Variants in GRM5 observed in about 807,000 individuals in gnomAD.
GRM5 encodes the protein glutamate metabotropic receptor 5, also known as metabotropic glutamate receptor 5.
In GRM5, 19 loss-of-function variants were observed where a neutral mutation model predicts 83.1. The observed-to-expected ratio is 0.23, with a 90% CI of 0.16 to 0.34. GRM5 has a LOEUF of 0.34. GRM5 is among the 10% of genes least tolerant of loss of function. GRM5 has a pLI of 1.00. For synonymous variants in GRM5, 675 were observed against 633.6 expected (o/e 1.07, Z -0.98); for missense variants, 1,160 against 1,588.3 (o/e 0.73, Z 4.58).
intron 2 of GRM5, among the ~76,000 whole-genome samples, chr11:89,014,846 A>C (rs2135097453): frequency 6.6e-6 from 1 of 152,308 alleles, no homozygotes; most frequent in Admixed American, 6.5e-5. Flanking sequence ...ATTTTTTAAA[A>C]ATTTTAAAAG....
At chr11:88,685,959 C>G (rs554572664) in intron 3 of GRM5, among the ~76,000 whole-genome samples, 1 of 152,330 alleles carries the variant, frequency 6.6e-6, no homozygotes, top group African/African-American at 2.4e-5. Context: ...TTGGAGCCCC[C>G]ACACAGAATC....
At chr11:88,674,470 A>G (rs1940272596) in intron 3 of GRM5, among the ~76,000 whole-genome samples, 2 of 151,910 alleles carry the variant, frequency 1.3e-5, no homozygotes, top group African/African-American at 4.8e-5. Flanking sequence ...TTCAACACCT[A>G]CTAGACAGCT....
chr11:88,619,378 G>T (rs1454083790), intron 4 of GRM5, among the ~76,000 whole-genome samples: 1 of 152,156 alleles, frequency 6.6e-6, no homozygotes, highest in East Asian at 1.9e-4. Flanking sequence ...TTAATATCAA[G>T]CTTTGTGGAT....
At chr11:89,056,287 A>G (rs1941872083) in intron 1 of GRM5, among the ~76,000 whole-genome samples, 1 of 152,148 alleles carries the variant, frequency 6.6e-6, no homozygotes, top group African/African-American at 2.4e-5. Flanking sequence ...CAATTCTGAG[A>G]ACTATCCAAT....
intron 4 of GRM5, among the ~76,000 whole-genome samples, chr11:88,611,974 T>A (rs929160404): frequency 2.0e-5 from 3 of 151,826 alleles, no homozygotes; most frequent in East Asian, 1.9e-4. Context: ...TTTATTATTT[T>A]TTTTTATTAT....
intron 2 of GRM5, among the ~76,000 whole-genome samples, chr11:88,858,453 T>C (rs956730022): frequency 6.6e-6 from 1 of 152,018 alleles, no homozygotes; most frequent in Non-Finnish European, 1.5e-5. Context: ...GCTGAGTTGG[T>C]GAATTTTCTT....
At chr11:88,964,632 CAAG>C (rs1938890241) in intron 2 of GRM5, among the ~76,000 whole-genome samples, 1 of 151,876 alleles carries the variant, frequency 6.6e-6, no homozygotes, top group South Asian at 2.1e-4. Flanking sequence ...AGCATGTATC[CAAG>C]AAGTTGAGAA....
chr11:88,637,515 A>G (rs1349577414), intron 4 of GRM5, among the ~76,000 whole-genome samples: 1 of 152,042 alleles, frequency 6.6e-6, no homozygotes, highest in African/African-American at 2.4e-5. Flanking sequence ...GACACTTCTC[A>G]AAAGAAGACA....
At position 89,027,164 on chromosome 11, in the gene GRM5, C is replaced by T. The variant is rs192356802; in HGVS notation, c.661+20048G>A. 3.5e-3 allele frequency among the ~76,000 whole-genome samples: 528 copies of T among 151,792 alleles called. 5 individuals are homozygous for T. Among genetic ancestry groups the T allele is most frequent in the African/African-American group, 0.012 (489 of 41,380 alleles). On this transcript the variant is annotated intron_variant, in intron 2 of 9. Transcript: ENST00000305447. ...AGGCTGGAGTGCAGTGGCGCAATCT[C>T]GGCTCACTGCAACCTCCGCCTCCTG...
Position 88,525,361 on chromosome 11 carries a change from A to G in GRM5, c.2674T>C (p.Cys892Arg). 2 of 1,612,466 alleles carry G rather than the reference A, an allele frequency of 1.2e-6. No homozygotes were observed. The highest frequency in any genetic ancestry group is 1.1e-5 in the South Asian group (1 of 91,026). The change falls in exon 9 of 10, where the codon TGT becomes CGT. Residue 892 changes from cysteine (C) to arginine (R), a missense_variant. By Grantham distance (180) the Cys-to-Arg change is radical (BLOSUM62 -3). Coordinates refer to ENST00000305447, the MANE Select transcript of GRM5 (RefSeq NM_001143831.3). Reference sequence around the variant, plus strand: ...CCCATACTCCCTTTGGGGGTGAAACACTCTATTTCCGACTTGTGCTGGGCC... The same window carrying G: ...CCCATACTCCCTTTGGGGGTGAAACGCTCTATTTCCGACTTGTGCTGGGCC... ...RLAQHKSEIE[C>R]FTPKGSMGNG...
chr11:88,725,772 C>T (rs955521635), intron 3 of GRM5, among the ~76,000 whole-genome samples: 7 of 152,116 alleles, frequency 4.6e-5, no homozygotes, highest in Non-Finnish European at 1.0e-4. Flanking sequence ...CCAGCAAACT[C>T]CAGCAGACCT....
intron 2 of GRM5, among the ~76,000 whole-genome samples, chr11:88,921,024 T>C (rs621230): frequency 0.48 from 72,367 of 151,900 alleles, 18,832 homozygotes; most frequent in South Asian, 0.65. Context: ...TAGAATCTAT[T>C]GTACCCTCAG....
chr11:89,029,600 G>C (rs1219938090), intron 2 of GRM5, among the ~76,000 whole-genome samples: 1 of 152,132 alleles, frequency 6.6e-6, no homozygotes, highest in African/African-American at 2.4e-5. Context: ...TAAGCGTTGA[G>C]TTTATTGAGG....
At chr11:88,621,237 G>A (rs1031399171) in intron 4 of GRM5, among the ~76,000 whole-genome samples, 2 of 152,098 alleles carry the variant, frequency 1.3e-5, no homozygotes, top group Non-Finnish European at 2.9e-5. Flanking sequence ...TTCCCACTTG[G>A]CCCTGTCTGT....
intron 1 of GRM5, among the ~76,000 whole-genome samples, chr11:89,052,582 T>C (rs1224941732): frequency 6.6e-6 from 1 of 152,198 alleles, no homozygotes; most frequent in Non-Finnish European, 1.5e-5. Context: ...AGTGTGTCTG[T>C]ATGTGTGGCA....
At chr11:88,596,572 T>C (rs1388127424) in intron 6 of GRM5, among the ~76,000 whole-genome samples, 9 of 152,152 alleles carry the variant, frequency 5.9e-5, no homozygotes, top group Non-Finnish European at 1.2e-4. Context: ...TTGACCACTT[T>C]TGTCCCTTTT....
Position 88,856,545 on chromosome 11 carries a change from A to G in GRM5, c.662-6390T>C, listed in dbSNP as rs1471873156. ...AGCTAATTTATGGTGAATTTTTTAA[A>G]TGTATATAAGTAGAAAAAGTACACT... On this transcript the variant is annotated intron_variant, in intron 2 of 9. Coordinates refer to ENST00000305447, the MANE Select transcript of GRM5 (RefSeq NM_001143831.3). Among the ~76,000 whole-genome samples the G allele has an allele frequency of 5.3e-5, 8 of 152,206 alleles. No homozygotes were observed. The East Asian group carries it at 1.5e-3, about 29-fold the overall frequency.
chr11:88,718,242 G>A (rs6483394), intron 3 of GRM5, among the ~76,000 whole-genome samples: 150,274 of 152,012 alleles, frequency 0.99, 74,295 homozygotes, highest in East Asian at 1. Flanking sequence ...TCACAAAACT[G>A]TAATGTTTTT....
chr11:88,715,251 G>C lies in GRM5; in HGVS notation c.912-61848C>G, dbSNP rs372249398. On this transcript the variant is annotated intron_variant, in intron 3 of 9. Coordinates refer to ENST00000305447, the MANE Select transcript of GRM5 (RefSeq NM_001143831.3). ...AATTGAATTGAATCTTGTAGCTGAA[G>C]AAATAGTAGTAAAGAAAAGTTAAGT... is the stretch of plus-strand genomic sequence containing the variant. Among the ~76,000 whole-genome samples the C allele has an allele frequency of 6.1e-4, 92 of 152,038 alleles. 2 individuals are homozygous for C. In the South Asian group the frequency reaches 0.018, roughly 30 times the overall value.
Sources: allele counts gnomAD v4.1 joint callset (sites outside exome capture counted in the v4.1 genomes callset), GRCh38; gene constraint gnomAD v4.1.1; transcripts MANE v1.5; gene names NCBI Gene and HGNC (gene_info 2026-07-23, HGNC 2026-07-21).